Variants in PRIM2 observed in about 807,000 individuals in gnomAD.
PRIM2 encodes the protein DNA primase subunit 2.
A neutral mutation model predicts 67.3 loss-of-function variants in PRIM2; 39 were observed. That is an observed-to-expected ratio of 0.58 (90% confidence interval 0.45 to 0.76). The LOEUF (loss-of-function observed/expected upper bound fraction) is 0.76, where lower values mean the gene tolerates loss of function less well. Among genes scored for constraint, PRIM2 ranks in the 30% least tolerant of loss-of-function variants. The pLI, the probability that PRIM2 is intolerant of heterozygous loss-of-function variation, is 0.00. For missense variants in PRIM2, 398 were observed against 598.7 expected (o/e 0.66, Z 3.50); for synonymous variants, 143 against 198.7 (o/e 0.72, Z 2.36).
chr6:57,585,509 T>C (rs1776172969), intron 10 of PRIM2, among the ~76,000 whole-genome samples: 1 of 152,044 alleles, frequency 6.6e-6, no homozygotes, highest in Non-Finnish European at 1.5e-5. Flanking sequence ...TGAAAGAAAC[T>C]TAAGGAGTGG....
At chr6:57,366,277 G>A (rs1018372736) in intron 5 of PRIM2, among the ~76,000 whole-genome samples, 5 of 152,124 alleles carry the variant, frequency 3.3e-5, no homozygotes, top group African/African-American at 9.7e-5. Context: ...GACATGGTGC[G>A]CTATAGGAAG....
the PRIM2 span, among the ~76,000 whole-genome samples, chr6:57,299,287 T>TA: frequency 6.6e-6 from 1 of 151,922 alleles, no homozygotes; most frequent in Non-Finnish European, 1.5e-5. Flanking sequence ...TTCAACTTGA[T>TA]AAAATAAAAA....
intron 13 of PRIM2, among the ~76,000 whole-genome samples, chr6:57,639,892 G>A (rs1298042431): frequency 4.6e-5 from 7 of 151,800 alleles, no homozygotes; most frequent in South Asian, 2.1e-4. Context: ...TATGAGGCCA[G>A]CATCATCCTG....
rs1199026484 is a variant in PRIM2, at chr6:57,537,632, T to C, written c.1020+7T>C. 5 of 1,439,912 alleles carry C rather than the reference T, an allele frequency of 3.5e-6. No homozygotes were observed. The African/African-American group carries it at 7.2e-5, about 21-fold the overall frequency. 89.2% of individuals were successfully genotyped at this position (1,439,912 alleles called of 1,614,324 possible). A position where few individuals can be genotyped will look rare whatever the true frequency, so the allele number is the denominator to read the frequency against. On this transcript the variant is annotated splice_region_variant and intron_variant, in intron 10 of 13. Transcript: ENST00000615550. ...AAAGATGGATCCAGACAAGGTAATT[T>C]TGAAAAAAAATATCAGAGTGGTACC...
chr6:57,346,470 C>A (rs949347426), intron 5 of PRIM2, among the ~76,000 whole-genome samples: 9 of 152,182 alleles, frequency 5.9e-5, no homozygotes, highest in Non-Finnish European at 8.8e-5. Context: ...CAGTCGCCCA[C>A]CACCATGCCT....
chr6:57,340,523 G>T (rs916335613), intron 5 of PRIM2, among the ~76,000 whole-genome samples: 7 of 152,182 alleles, frequency 4.6e-5, no homozygotes, highest in Non-Finnish European at 8.8e-5. Context: ...ATACTATGCA[G>T]CCATAAAAAA....
chr6:57,625,320 G>A (rs1776930375), intron 12 of PRIM2, among the ~76,000 whole-genome samples: 1 of 152,204 alleles, frequency 6.6e-6, no homozygotes, highest in African/African-American at 2.4e-5. Flanking sequence ...GGACAAATTA[G>A]TTTGAGAAAC....
At chr6:57,257,380 T>C in the PRIM2 span, among the ~76,000 whole-genome samples, 2 of 151,886 alleles carry the variant, frequency 1.3e-5, no homozygotes, top group African/African-American at 4.8e-5. Flanking sequence ...CAAGCGATTC[T>C]CCTGCCTCAG....
chr6:57,372,645 C>T (rs1169420860), intron 5 of PRIM2, among the ~76,000 whole-genome samples: 1 of 152,182 alleles, frequency 6.6e-6, no homozygotes, highest in African/African-American at 2.4e-5. Flanking sequence ...TGTTTTTCTC[C>T]ACCAAGTGTC....
chr6:57,243,973 GC>G, the PRIM2 span, among the ~76,000 whole-genome samples: 1 of 152,154 alleles, frequency 6.6e-6, no homozygotes, highest in African/African-American at 2.4e-5. Flanking sequence ...ACTCCTCATG[GC>G]TGAGGTGCTC....
At chr6:57,272,999 G>A in the PRIM2 span, among the ~76,000 whole-genome samples, 1 of 152,238 alleles carries the variant, frequency 6.6e-6, no homozygotes, top group African/African-American at 2.4e-5. Context: ...GAGATCAGCT[G>A]TTTGTCTGAT....
intron 7 of PRIM2, among the ~76,000 whole-genome samples, chr6:57,421,797 T>C (rs1771475470): frequency 6.6e-6 from 1 of 152,206 alleles, no homozygotes; most frequent in Non-Finnish European, 1.5e-5. Flanking sequence ...AGTACTGTCT[T>C]TGTATGCTTT....
intron 7 of PRIM2, among the ~76,000 whole-genome samples, chr6:57,395,032 A>G (rs1770476224): frequency 6.6e-6 from 1 of 152,180 alleles, no homozygotes; most frequent in Non-Finnish European, 1.5e-5. Context: ...CATGGTGATT[A>G]TCTTTTTGAT....
the PRIM2 span, among the ~76,000 whole-genome samples, chr6:57,223,093 A>G: frequency 1.3e-5 from 2 of 152,256 alleles, no homozygotes; most frequent in African/African-American, 4.8e-5. Flanking sequence ...CACAGAGTTC[A>G]TATAATGAAA....
intron 8 of PRIM2, among the ~76,000 whole-genome samples, chr6:57,519,788 A>T (rs1471621871): frequency 5.3e-5 from 8 of 152,306 alleles, no homozygotes; most frequent in Admixed American, 4.6e-4. Flanking sequence ...TGTCCATGAA[A>T]TCTTAACAAT....
At chr6:57,553,801 T>G (rs1475870129) in intron 10 of PRIM2, among the ~76,000 whole-genome samples, 1 of 152,228 alleles carries the variant, frequency 6.6e-6, no homozygotes, top group Non-Finnish European at 1.5e-5. Context: ...CCTCCTTTTT[T>G]GCTTCCTTAT....
At chr6:57,604,413 A>G (rs1467675040) in intron 11 of PRIM2, among the ~76,000 whole-genome samples, 1 of 152,194 alleles carries the variant, frequency 6.6e-6, no homozygotes, top group Non-Finnish European at 1.5e-5. Flanking sequence ...TCATCAGCAA[A>G]GAAAGATAGT....
At chr6:57,412,862 A>G (rs1404065858) in intron 7 of PRIM2, among the ~76,000 whole-genome samples, 1 of 152,146 alleles carries the variant, frequency 6.6e-6, no homozygotes, top group Admixed American at 6.5e-5. Context: ...AAGAAAGAGA[A>G]AGTAGTTTTA....
chr6:57,226,493 G>C, the PRIM2 span, among the ~76,000 whole-genome samples: 6 of 152,156 alleles, frequency 3.9e-5, no homozygotes, highest in African/African-American at 1.4e-4. Context: ...GTGGAAAGCG[G>C]TATGTAAAAA....
Sources: gnomAD v4.1 joint callset for allele counts (sites outside exome capture counted in the v4.1 genomes callset) on GRCh38, gnomAD v4.1.1 for gene constraint, MANE v1.5 for transcripts, NCBI Gene and HGNC (gene_info 2026-07-23, HGNC 2026-07-21) for gene names.